The following SLC6A3 variants were observed in gnomAD, a reference collection of about 807,000 sequenced individuals.
The protein encoded by SLC6A3 is sodium-dependent dopamine transporter.
In SLC6A3, 19 loss-of-function variants were observed where a neutral mutation model predicts 70.4. The observed-to-expected ratio is 0.27, with a 90% CI of 0.19 to 0.40. SLC6A3 has a LOEUF of 0.40. SLC6A3 is among the 10% of genes least tolerant of loss of function. The probability of loss-of-function intolerance (pLI) is 1.00; values close to 1 mark genes in which losing one functional copy is unlikely to be tolerated. For synonymous variants in SLC6A3, 368 were observed against 356.6 expected (o/e 1.03, Z -0.36); for missense variants, 613 against 838.5 (o/e 0.73, Z 3.32).
chr5:1,427,289 T>TTGTAGGCCCTTCTGCTCTG (rs1756593815), intron 4 of SLC6A3, among the ~76,000 whole-genome samples: 1 of 152,260 alleles, frequency 6.6e-6, no homozygotes, highest in Admixed American at 6.5e-5. Flanking sequence ...AAGTCTACTG[T>TTGTAGGCCCTTCTGCTCTG]TGTAGGCCCT....
Position 1,442,831 on chromosome 5 carries a change from T to C in SLC6A3, c.286+81A>G. 1 of 1,437,646 alleles carries C rather than the reference T, an allele frequency of 7.0e-7. No homozygotes were observed. Among genetic ancestry groups the C allele is most frequent in the Admixed American group, 1.7e-5 (1 of 59,792 alleles). The allele number at this position is 1,437,646 out of a possible 1,614,324, so 89.1% of individuals were successfully genotyped here. A position where few individuals can be genotyped will look rare whatever the true frequency, so the allele number is the denominator to read the frequency against. On this transcript the variant is annotated intron_variant, in intron 2 of 14. Coordinates refer to ENST00000270349, the MANE Select transcript of SLC6A3 (RefSeq NM_001044.5). The surrounding 1 kb of genome is among the most constrained non-coding windows in gnomAD (Gnocchi z 5.0). ...CACGCATGGGAACAGCTTCATCTCG[T>C]TTCCGTACGTGCCTTGGCCCCGGCT... is the stretch of plus-strand genomic sequence containing the variant.
rs886599978 is a variant in SLC6A3 at position 1,442,162 on chromosome 5, G to C, written c.287-672C>G. 4.6e-5 allele frequency among the ~76,000 whole-genome samples: 7 copies of C among 152,244 alleles called. No homozygotes were observed. The South Asian group carries it at 1.5e-3, about 32-fold the overall frequency. On this transcript the variant is annotated intron_variant, in intron 2 of 14. Transcript: ENST00000270349. The surrounding 1 kb of genome is among the most constrained non-coding windows in gnomAD (Gnocchi z 5.0). ...CACTCTCTCTCCTGGGGAAGGGGAGGGGGAGGCATGGGGCCCCTCAGCTCT... is the reference window on the plus strand; with the variant it reads ...CACTCTCTCTCCTGGGGAAGGGGAGCGGGAGGCATGGGGCCCCTCAGCTCT...
chr5:1,431,032 G>A (rs1411973817), intron 4 of SLC6A3, among the ~76,000 whole-genome samples: 1 of 152,356 alleles, frequency 6.6e-6, no homozygotes, highest in East Asian at 1.9e-4. Flanking sequence ...CCTGGCTGAC[G>A]GGAAACACTG....
At chr5:1,423,849 CGCGTTAT>C (rs1756519473) in intron 4 of SLC6A3, among the ~76,000 whole-genome samples, 2 of 152,214 alleles carry the variant, frequency 1.3e-5, no homozygotes. Context: ...AGACAGAAGC[CGCGTTAT>C]GAAAGGAGCT....
chr5:1,414,516 G>GGGGCCTGGAGGGGTCAGGGCGGGGAA (rs1560913099), intron 8 of SLC6A3, among the ~76,000 whole-genome samples, 175 bp downstream of exon 8: 1 of 151,546 alleles, frequency 6.6e-6, no homozygotes, highest in African/African-American at 2.4e-5. Context: ...CGCTGGGTGG[G>GGGGCCTGGAGGGGTCAGGGCGGGGAA]GGCAGGTCTG....
At chr5:1,398,967 G>A (rs1034936909) in intron 14 of SLC6A3, among the ~76,000 whole-genome samples, 5 of 152,166 alleles carry the variant, frequency 3.3e-5, no homozygotes, top group Admixed American at 3.3e-4. Context: ...TAGACAATGT[G>A]GGTAACATAA....
At chr5:1,423,536 A>T (rs1756511621) in intron 4 of SLC6A3, among the ~76,000 whole-genome samples, 1 of 152,246 alleles carries the variant, frequency 6.6e-6, no homozygotes, top group Admixed American at 6.5e-5. Context: ...CAAGGAACAG[A>T]TTCAGTGGAT....
intron 4 of SLC6A3, among the ~76,000 whole-genome samples, chr5:1,431,465 T>G (rs867057362): frequency 1.3e-5 from 2 of 149,034 alleles, no homozygotes; most frequent in Admixed American, 6.7e-5. Flanking sequence ...GGGTTGGGCC[T>G]GGCTGGGATG....
rs1756860664 is a variant in SLC6A3, at chr5:1,437,284, AAG to A, written c.418+4073_418+4074del. On this transcript the variant is annotated intron_variant, in intron 3 of 14. Coordinates refer to ENST00000270349, the MANE Select transcript of SLC6A3 (RefSeq NM_001044.5). The surrounding 1 kb of genome is among the most constrained non-coding windows in gnomAD (Gnocchi z 4.8). ...AAAAAAAAGAAAAGAAAAGAAAAGA[AAG>A]AGGGGAGAGGACGCCTCTCTGTGTC... is the stretch of plus-strand genomic sequence containing the variant. Among the ~76,000 whole-genome samples, 1 of 151,686 alleles carries A rather than the reference AAG, an allele frequency of 6.6e-6. No individual in the cohort carries two copies. Among genetic ancestry groups the A allele is most frequent in the Admixed American group, 6.6e-5 (1 of 15,236 alleles).
At position 1,404,564 on chromosome 5, in the gene SLC6A3, T is replaced by C. The variant is rs1456187701; in HGVS notation, c.1600-1475A>G. Among the ~76,000 whole-genome samples the C allele has an allele frequency of 6.6e-6, 1 of 152,242 alleles. No individual in the cohort carries two copies. The highest frequency in any genetic ancestry group is 1.9e-4 in the East Asian group (1 of 5,204). On this transcript the variant is annotated intron_variant, in intron 12 of 14. Transcript: ENST00000270349. The surrounding 1 kb of genome is among the most constrained non-coding windows in gnomAD (Gnocchi z 5.2). The stretch of plus-strand genomic sequence containing the variant: ...TCCCTTTAGCAGTGCTGTGGCATCA[T>C]CTGCCACAGAGTCATCTGAACGAGA...
intron 4 of SLC6A3, among the ~76,000 whole-genome samples, chr5:1,427,445 G>T (rs957766801): frequency 1.3e-5 from 2 of 152,018 alleles, no homozygotes; most frequent in Non-Finnish European, 2.9e-5. Context: ...TCAAAACAGG[G>T]AATAAATAGA....
At position 1,420,624 on chromosome 5, in the gene SLC6A3, A is replaced by G. The variant is rs751422258; in HGVS notation, c.872T>C (p.Ile291Thr). 2 of 1,613,596 alleles carry G rather than the reference A, an allele frequency of 1.2e-6. No homozygotes were observed. The highest frequency in any genetic ancestry group is 2.2e-5 in the East Asian group (1 of 44,898). The stretch of plus-strand genomic sequence containing the variant: ...GCTCAGGTATGCTCTGATGCCGTCT[A>G]TGGCTCCAGGGAGGGTGACCCCACG... ...LLRGVTLPGA[I>T]DGIRAYLSVD... Residue 291 changes from isoleucine to threonine, a missense_variant, in exon 6 of 15, where the codon ATA (isoleucine) becomes ACA (threonine). Around this residue, in one of 4 missense-constraint regions of SLC6A3, gnomAD observed 348 missense variants for 481.2 expected, o/e 0.72. Coordinates refer to ENST00000270349, the MANE Select transcript of SLC6A3 (RefSeq NM_001044.5).
In SLC6A3 at chr5:1,442,497, G is replaced by A. The variant is rs1045874051; in HGVS notation, c.286+415C>T. On this transcript the variant is annotated intron_variant, in intron 2 of 14. Coordinates refer to ENST00000270349, the MANE Select transcript of SLC6A3 (RefSeq NM_001044.5). The surrounding 1 kb of genome is among the most constrained non-coding windows in gnomAD (Gnocchi z 5.0). ...CAGGGGACACAGTCACTTTCCAGGG[G>A]CCTCCTCTGCCACTCCAGGCTCCAG... Among the ~76,000 whole-genome samples, 2 of 152,326 alleles carry A rather than the reference G, an allele frequency of 1.3e-5. No homozygotes were observed. The highest frequency in any genetic ancestry group is 6.5e-5 in the Admixed American group (1 of 15,306).
At chr5:1,434,217 G>C (rs1295288774) in intron 3 of SLC6A3, among the ~76,000 whole-genome samples, 2 of 152,172 alleles carry the variant, frequency 1.3e-5, no homozygotes. Context: ...AGACCACCAG[G>C]GTCCACCCAG....
At chr5:1,414,333 T>G (rs1404933737) in intron 8 of SLC6A3, among the ~76,000 whole-genome samples, 2 of 64,554 alleles carry the variant, frequency 3.1e-5, no homozygotes, top group African/African-American at 5.7e-5. Flanking sequence ...CAGCTGCATT[T>G]GGGCTTGAGG....
chr5:1,427,006 T>C (rs1331520586), intron 4 of SLC6A3, among the ~76,000 whole-genome samples: 3 of 152,188 alleles, frequency 2.0e-5, no homozygotes, highest in Non-Finnish European at 4.4e-5. Context: ...AAGCCCAAGC[T>C]GAATCACTGC....
At chr5:1,414,905 G>C in intron 7 of SLC6A3, 90 bp from the exon 8 acceptor site, 2 of 1,558,026 alleles carry the variant, frequency 1.3e-6, no homozygotes, top group Non-Finnish European at 1.8e-6. Context: ...CTGTGTCTGG[G>C]GAAGGGGGCG....
Position 1,422,999 on chromosome 5 carries a change from C to CTGCTGCCCAG in SLC6A3, c.654-995_654-986dup, listed in dbSNP as rs1161393161. On this transcript the variant is annotated intron_variant, in intron 4 of 14. Coordinates refer to ENST00000270349, the MANE Select transcript of SLC6A3 (RefSeq NM_001044.5). ...TGCTGCCCACGCTGCTGGGTACCCA[C>CTGCTGCCCAG]TGCTGCCCAGTGCTGCCCAAGGTGC... Among the ~76,000 whole-genome samples the CTGCTGCCCAG allele has an allele frequency of 9.5e-4, 72 of 75,700 alleles. 7 individuals carry two copies. The highest frequency in any genetic ancestry group is 4.6e-3 in the African/African-American group (69 of 14,870). The allele number at this position is 75,700 out of a possible 152,430, so 49.7% of individuals were successfully genotyped here.
rs755661893 is a variant in SLC6A3 at position 1,442,884 on chromosome 5, T to C, written c.286+28A>G. 6.2e-7 allele frequency: 1 copy of C among 1,613,670 alleles called. No individual in the cohort carries two copies. Among genetic ancestry groups the C allele is most frequent in the Non-Finnish European group, 8.5e-7 (1 of 1,179,692 alleles). ...CCCTACGACCCCCGCCCGGCCAGCATGCTCAGGGAGGCTGAGATGGGACTT... is the reference window on the plus strand; with the variant it reads ...CCCTACGACCCCCGCCCGGCCAGCACGCTCAGGGAGGCTGAGATGGGACTT... On this transcript the variant is annotated intron_variant, in intron 2 of 14. Coordinates refer to ENST00000270349, the MANE Select transcript of SLC6A3 (RefSeq NM_001044.5). The surrounding 1 kb of genome is among the most constrained non-coding windows in gnomAD (Gnocchi z 5.0).
Sources: gnomAD v4.1 joint callset for allele counts (sites outside exome capture counted in the v4.1 genomes callset) on GRCh38, gnomAD v4.1.1 for gene constraint, gnomAD v4.1.1 regional missense constraint, Gnocchi (gnomAD v3.1) non-coding constraint, MANE v1.5 for transcripts, NCBI Gene and HGNC (gene_info 2026-07-23, HGNC 2026-07-21) for gene names.